The following KIAA2012 variants were observed in gnomAD, a reference collection of about 807,000 sequenced individuals.
The protein encoded by KIAA2012 is uncharacterized protein KIAA2012.
A neutral mutation model predicts 150.6 loss-of-function variants in KIAA2012; 125 were observed. The observed-to-expected ratio is 0.83, with a 90% confidence interval of 0.72 to 0.96. KIAA2012 has a LOEUF of 0.96. KIAA2012 is among the 40% of genes least tolerant of loss of function. The probability of loss-of-function intolerance (pLI) is 0.00; values close to 1 mark genes in which losing one functional copy is unlikely to be tolerated. For synonymous variants in KIAA2012, 462 were observed against 504.7 expected, an observed-to-expected ratio of 0.92 and a Z score of 1.13; for missense variants, 1,219 against 1,354.9, an observed-to-expected ratio of 0.90 and a Z score of 1.57.
chr2:202,101,070 A>G (rs1690031527), intron 7 of KIAA2012, among the ~76,000 whole-genome samples: 1 of 152,200 alleles, frequency 6.6e-6, no homozygotes, highest in South Asian at 2.1e-4. Flanking sequence ...TGGGAACATG[A>G]GCAGGTCACT....
chr2:202,086,183 A>AG (rs1217180504), intron 2 of KIAA2012, among the ~76,000 whole-genome samples: 1 of 150,322 alleles, frequency 6.7e-6, no homozygotes, highest in African/African-American at 2.5e-5. Flanking sequence ...AAAAAAAAAA[A>AG]AAAGAAAGAA....
chr2:202,140,374 TG>T (rs1387179639), intron 13 of KIAA2012, among the ~76,000 whole-genome samples: 2 of 152,298 alleles, frequency 1.3e-5, no homozygotes, highest in East Asian at 3.9e-4. Flanking sequence ...GTCAGCTCCC[TG>T]AGAAGCCCAT....
chr2:202,097,632 C>A (rs1354828722), intron 5 of KIAA2012, 55 bp downstream of exon 5: 46 of 1,528,680 alleles, frequency 3.0e-5, no homozygotes, highest in Non-Finnish European at 4.0e-5. Context: ...CTCTGTCACC[C>A]AGGCTAGAGT....
At chr2:202,079,624 T>G (rs982740312) in intron 2 of KIAA2012, among the ~76,000 whole-genome samples, 1 of 152,216 alleles carries the variant, frequency 6.6e-6, no homozygotes, top group African/African-American at 2.4e-5. Context: ...GCCCAACTCC[T>G]TACGGGTAAA....
intron 12 of KIAA2012, among the ~76,000 whole-genome samples, chr2:202,132,747 A>ATATATAGTATATATGTGTATATAT (rs373235755): frequency 0.034 from 3,556 of 104,328 alleles, 278 homozygotes; most frequent in African/African-American, 0.13. Context: ...GTATATATAT[A>ATATATAGTATATATGTGTATATAT]GTATATATGT....
chr2:202,201,632 G>C lies in KIAA2012; in HGVS notation c.3408-797G>C, dbSNP rs1202225298. On this transcript the variant is annotated intron_variant, in intron 22 of 23. Coordinates refer to ENST00000498697, the MANE Select transcript of KIAA2012 (RefSeq NM_001277372.4). ...CTGGATAATAAGCCATGGGGATTGT[G>C]GAACCTAAAGACCCAACAGCCACAG... The C allele has an allele frequency of 9.9e-6, 16 of 1,610,722 alleles. No homozygotes were observed. The South Asian group carries it at 1.6e-4, about 17-fold the overall frequency.
chr2:202,111,630 G>T (rs1690359950), intron 10 of KIAA2012, among the ~76,000 whole-genome samples: 1 of 151,984 alleles, frequency 6.6e-6, no homozygotes, highest in Non-Finnish European at 1.5e-5. Flanking sequence ...GTGAATGTGG[G>T]ATGTGTGCTT....
rs34823131 is a variant in KIAA2012 at position 202,194,138 on chromosome 2, A to G, written c.3015-52A>G. 188,813 of 1,542,338 alleles carry G rather than the reference A, an allele frequency of 0.12. 12,560 individuals are homozygous for G. The highest frequency in any genetic ancestry group is 0.15 in the Admixed American group (7,333 of 50,488). On this transcript the variant is annotated intron_variant, in intron 20 of 23. Transcript: ENST00000498697. Reference sequence around the variant, plus strand: ...GCACTGTCTGTTGGCTCATCTCACAAGGATGCCTCAGTGTTTTCTGCCATT... The same window carrying G: ...GCACTGTCTGTTGGCTCATCTCACAGGGATGCCTCAGTGTTTTCTGCCATT...
chr2:202,143,559 T>G (rs1340386166), intron 13 of KIAA2012, among the ~76,000 whole-genome samples: 22 of 151,686 alleles, frequency 1.5e-4, no homozygotes, highest in Admixed American at 1.4e-3. Flanking sequence ...GGCTTTTTTT[T>G]TTTTTTTCAT....
At chr2:202,110,225 G>A (rs776128446) in intron 10 of KIAA2012, among the ~76,000 whole-genome samples, 3 of 152,282 alleles carry the variant, frequency 2.0e-5, no homozygotes, top group Middle Eastern at 3.4e-3. Context: ...TCACAGAGAC[G>A]GAAAGACCCT....
At chr2:202,181,029 G>A (rs2105738037) in intron 15 of KIAA2012, among the ~76,000 whole-genome samples, 1 of 152,240 alleles carries the variant, frequency 6.6e-6, no homozygotes, top group East Asian at 1.9e-4. Context: ...GAGTGCAGTG[G>A]TGCCATCACA....
chr2:202,142,046 A>G (rs997454461), intron 13 of KIAA2012, among the ~76,000 whole-genome samples: 3 of 152,260 alleles, frequency 2.0e-5, no homozygotes, highest in African/African-American at 7.2e-5. Context: ...AAAAATAAAC[A>G]AAAGACAGAA....
chr2:202,177,284 A>G (rs1183514328), intron 15 of KIAA2012, among the ~76,000 whole-genome samples: 1 of 152,232 alleles, frequency 6.6e-6, no homozygotes, highest in East Asian at 1.9e-4. Context: ...TATATGTAAT[A>G]CAGATATAAA....
At chr2:202,078,646 G>C (rs1484781707) in intron 2 of KIAA2012, among the ~76,000 whole-genome samples, 1 of 152,102 alleles carries the variant, frequency 6.6e-6, no homozygotes, top group Non-Finnish European at 1.5e-5. Context: ...AAAAATACCA[G>C]TGTTCATTAA....
At chr2:202,158,090 GTTC>G (rs1691566430) in intron 14 of KIAA2012, among the ~76,000 whole-genome samples, 1 of 152,168 alleles carries the variant, frequency 6.6e-6, no homozygotes, top group Non-Finnish European at 1.5e-5. Flanking sequence ...CCCCTCCTGG[GTTC>G]ATGCCATTCT....
intron 2 of KIAA2012, among the ~76,000 whole-genome samples, chr2:202,086,806 C>T (rs540849397): frequency 8.7e-4 from 133 of 152,314 alleles, no homozygotes; most frequent in African/African-American, 3.2e-3. Context: ...AAGCTGTCTC[C>T]TTCCCACTCT....
At chr2:202,116,096 C>G (rs1200160370) in intron 11 of KIAA2012, 1 of 152,196 alleles carries the variant, frequency 6.6e-6, no homozygotes, top group African/African-American at 2.4e-5. Flanking sequence ...CATCTACTCC[C>G]CTAGTCACAG....
intron 14 of KIAA2012, among the ~76,000 whole-genome samples, chr2:202,163,968 G>A (rs191436976): frequency 5.8e-4 from 88 of 152,194 alleles, no homozygotes; most frequent in African/African-American, 2.0e-3. Context: ...GCCACCAAGT[G>A]AGGGAAGTCA....
At chr2:202,135,578 A>G (rs2105942733) in intron 12 of KIAA2012, 1 of 152,358 alleles carries the variant, frequency 6.6e-6, no homozygotes, top group Middle Eastern at 3.4e-3. Context: ...GAGATGGAGA[A>G]GTCCTAAGTG....
Sources: allele counts gnomAD v4.1 joint callset (sites outside exome capture counted in the v4.1 genomes callset), GRCh38; gene constraint gnomAD v4.1.1; transcripts MANE v1.5; gene names NCBI Gene and HGNC (gene_info 2026-07-23, HGNC 2026-07-21).